SPATA9: variants seen among roughly 807,000 people sequenced by gnomAD.
SPATA9 encodes the protein spermatogenesis associated 9.
SPATA9 carries 27 observed loss-of-function variants against 25.5 expected under a neutral mutation model. The ratio of observed to expected loss-of-function variants is 1.06; its 90% CI spans 0.78 to 1.46. The LOEUF is 1.46. Ranked by LOEUF, SPATA9 falls within the 40% of genes most tolerant of loss-of-function variation. SPATA9 has a pLI of 0.00. For synonymous variants in SPATA9, 102 were observed against 105.7 expected (o/e 0.97, Z 0.21); for missense variants, 282 against 297.5 (o/e 0.95, Z 0.38).
chr5:95,675,274 C>A (rs1044132898), intron 3 of SPATA9, 138 bp downstream of exon 3: 2 of 703,162 alleles, frequency 2.8e-6, no homozygotes, highest in Admixed American at 6.2e-5. Context: ...TTTAAAAAGC[C>A]CCAACCATTC....
At chr5:95,668,286 C>A (rs923987852) in intron 3 of SPATA9, among the ~76,000 whole-genome samples, 1 of 152,080 alleles carries the variant, frequency 6.6e-6, no homozygotes, top group African/African-American at 2.4e-5. Context: ...AATAATTAAT[C>A]TTTATATTGT....
chr5:95,684,572 C>A (rs1312225024), upstream of SPATA9: 1 of 152,212 alleles, frequency 6.6e-6, no homozygotes, highest in Non-Finnish European at 1.5e-5. Flanking sequence ...TAACAACGTC[C>A]TTTTTGTCTT....
chr5:95,732,100 T>C, the SPATA9 span: 1 of 1,608,212 alleles, frequency 6.2e-7, no homozygotes, highest in South Asian at 1.1e-5. Flanking sequence ...GAAGAGCAGC[T>C]GCTCCGCGCT....
At chr5:95,667,856 T>C (rs1751968378) in intron 3 of SPATA9, among the ~76,000 whole-genome samples, 1 of 152,048 alleles carries the variant, frequency 6.6e-6, no homozygotes, top group African/African-American at 2.4e-5. Context: ...TTTAACACCA[T>C]CCCCCCTTGG....
upstream of SPATA9, among the ~76,000 whole-genome samples, chr5:95,687,045 C>T (rs1460820761): frequency 6.6e-6 from 1 of 152,142 alleles, no homozygotes; most frequent in Non-Finnish European, 1.5e-5. Flanking sequence ...GTAGTGGTAC[C>T]TATTGTGTCC....
chr5:95,721,146 C>T, the SPATA9 span, among the ~76,000 whole-genome samples: 1 of 152,168 alleles, frequency 6.6e-6, no homozygotes, highest in East Asian at 1.9e-4. Flanking sequence ...TCTGGGCTTG[C>T]ACTGCACTAT....
chr5:95,728,467 T>C, the SPATA9 span, among the ~76,000 whole-genome samples: 4 of 152,240 alleles, frequency 2.6e-5, no homozygotes. Context: ...GTTTACTTTC[T>C]TTATGAACTT....
chr5:95,676,595 T>C (rs1580332396), intron 2 of SPATA9, among the ~76,000 whole-genome samples: 1 of 152,208 alleles, frequency 6.6e-6, no homozygotes, highest in African/African-American at 2.4e-5. Flanking sequence ...CTTACTAAAT[T>C]CTTTCTCTAC....
chr5:95,656,759 C>A (rs1750789062), downstream of SPATA9: 1 of 153,158 alleles, frequency 6.5e-6, no homozygotes, highest in South Asian at 2.0e-4. Flanking sequence ...CATCACTCAG[C>A]TTTAACAGTT....
the SPATA9 span, chr5:95,731,543 G>A: frequency 9.8e-6 from 14 of 1,427,664 alleles, no homozygotes; most frequent in Non-Finnish European, 1.2e-5. Context: ...CTCTGCGTCG[G>A]CCCCGCCGCG....
chr5:95,715,091 C>T, the SPATA9 span, among the ~76,000 whole-genome samples: 1 of 151,974 alleles, frequency 6.6e-6, no homozygotes, highest in African/African-American at 2.4e-5. Flanking sequence ...TTTGGGAGGC[C>T]AAGGCGGGCA....
At chr5:95,673,297 C>T (rs191319177) in intron 3 of SPATA9, among the ~76,000 whole-genome samples, 1 of 152,292 alleles carries the variant, frequency 6.6e-6, no homozygotes, top group East Asian at 1.9e-4. Flanking sequence ...GGAACCAGCA[C>T]AAGATACTGC....
At chr5:95,722,429 G>A in the SPATA9 span, among the ~76,000 whole-genome samples, 232 of 152,154 alleles carry the variant, frequency 1.5e-3, 1 homozygote, top group Middle Eastern at 0.027. Context: ...ACAATCAATG[G>A]TGCTTGATAA....
At chr5:95,731,500 G>A in the SPATA9 span, 1 of 1,245,982 alleles carries the variant, frequency 8.0e-7, no homozygotes, top group Non-Finnish European at 1.0e-6. Context: ...CTGGTCCCCG[G>A]CTCGCTCGCT....
chr5:95,722,202 A>G, the SPATA9 span, among the ~76,000 whole-genome samples: 1 of 152,212 alleles, frequency 6.6e-6, no homozygotes, highest in African/African-American at 2.4e-5. Flanking sequence ...CAACACAGCA[A>G]GCAAAGGGAG....
Position 95,693,798 on chromosome 5 carries a change from G to A in SPATA9, n.124+4790C>T, listed in dbSNP as rs144255894. Among the ~76,000 whole-genome samples the A allele has an allele frequency of 3.7e-3, 556 of 152,200 alleles. 2 individuals are homozygous for A. The highest frequency in any genetic ancestry group is 0.013 in the African/African-American group (531 of 41,506). ...ATCTTAACAATCTGTAGTCATCACT[G>A]TCTAGCTGAGTATCTCCTGATAGAA... On this transcript the variant is annotated intron_variant and non_coding_transcript_variant, in intron 1 of 2. Transcript: ENST00000379990.
rs562671028 is a variant in SPATA9 at position 95,682,026 on chromosome 5, C to G, written c.150+502G>C. ...CAAAATATATACCTCCCTCCTCTTT[C>G]ACTCCCAATATTTTATCTGTTTCAA... On this transcript the variant is annotated intron_variant, in intron 2 of 4. Coordinates refer to ENST00000274432, the MANE Select transcript of SPATA9 (RefSeq NM_031952.4). 4.6e-5 allele frequency among the ~76,000 whole-genome samples: 7 copies of G among 152,312 alleles called. No homozygotes were observed. The East Asian group carries it at 1.3e-3, about 29-fold the overall frequency.
chr5:95,694,367 AG>A (rs1447250737), intron 1 of SPATA9, among the ~76,000 whole-genome samples: 2 of 152,216 alleles, frequency 1.3e-5, no homozygotes, highest in Non-Finnish European at 2.9e-5. Context: ...TTAATTACCT[AG>A]CTACTTAAGC....
the SPATA9 span, chr5:95,730,933 A>T: frequency 2.2e-6 from 1 of 462,724 alleles, no homozygotes; most frequent in Non-Finnish European, 4.3e-6. Context: ...AGGGGGGGAA[A>T]TCGGGTTGCT....
Sources: gnomAD v4.1 joint callset for allele counts (sites outside exome capture counted in the v4.1 genomes callset) on GRCh38, gnomAD v4.1.1 for gene constraint, MANE v1.5 for transcripts, NCBI Gene and HGNC (gene_info 2026-07-23, HGNC 2026-07-21) for gene names.